The following TPTE2 variants were observed in gnomAD, a reference collection of about 807,000 sequenced individuals.
TPTE2 encodes the protein phosphatidylinositol 3,4,5-trisphosphate 3-phosphatase TPTE2.
Under a neutral mutation model 78.6 loss-of-function variants are expected in TPTE2, and 53 were observed. The ratio of observed to expected loss-of-function variants is 0.67; its 90% CI spans 0.54 to 0.85. The LOEUF (loss-of-function observed/expected upper bound fraction) is 0.85. TPTE2 is among the 40% of genes least tolerant of loss of function. The pLI, the probability that TPTE2 is intolerant of heterozygous loss-of-function variation, is 0.00. For synonymous variants in TPTE2, 175 were observed against 206.2 expected (o/e 0.85, Z 1.30); for missense variants, 461 against 623.0 (o/e 0.74, Z 2.77).
At chr13:19,444,883 G>T (rs1189537905) in intron 13 of TPTE2, among the ~76,000 whole-genome samples, 3 of 152,172 alleles carry the variant, frequency 2.0e-5, no homozygotes, top group South Asian at 2.1e-4. Context: ...GCAAAGAAAT[G>T]AAAATCTTCT....
Position 19,530,583 on chromosome 13 carries a change from T to C in TPTE2, c.-44+6013A>G, listed in dbSNP as rs1349013786. On this transcript the variant is annotated intron_variant, in intron 1 of 17. Transcript: ENST00000390680. ...TTTTTGAGGCAGGGTCTCACTCTGT[T>C]GTCCAGGTTGGAGTGCAGTGGCATG... Among the ~76,000 whole-genome samples the C allele has an allele frequency of 1.3e-4, 20 of 152,174 alleles. 1 individual carries two copies. Among genetic ancestry groups the C allele is most frequent in the Admixed American group, 1.2e-3 (19 of 15,272 alleles).
chr13:19,458,926 G>T (rs1300515838), intron 10 of TPTE2, among the ~76,000 whole-genome samples: 1 of 152,046 alleles, frequency 6.6e-6, no homozygotes, highest in African/African-American at 2.4e-5. Flanking sequence ...ATTCCTTTGG[G>T]TATATACCCC....
chr13:19,536,373 G>T (rs1871212536), intron 1 of TPTE2, among the ~76,000 whole-genome samples: 1 of 152,004 alleles, frequency 6.6e-6, no homozygotes, highest in Admixed American at 6.6e-5. Context: ...TAACATGAAA[G>T]CATGAGGAAA....
intron 1 of TPTE2, among the ~76,000 whole-genome samples, chr13:19,517,920 C>G (rs1869906126): frequency 6.6e-6 from 1 of 152,182 alleles, no homozygotes. Flanking sequence ...CAGAGATTAT[C>G]TCTCCAGTTA....
At chr13:19,481,601 T>C (rs1469669272) in intron 4 of TPTE2, among the ~76,000 whole-genome samples, 1 of 152,194 alleles carries the variant, frequency 6.6e-6, no homozygotes, top group East Asian at 1.9e-4. Flanking sequence ...CTTTATTTTG[T>C]TTGGAGTGGG....
Position 19,486,084 on chromosome 13 carries a change from C to T in TPTE2, c.120-3537G>A, listed in dbSNP as rs1333159790. 1.2e-4 allele frequency among the ~76,000 whole-genome samples: 19 copies of T among 152,128 alleles called. No individual in the cohort carries two copies. The highest frequency in any genetic ancestry group is 8.3e-4 in the South Asian group (4 of 4,812). Reference sequence around the variant, plus strand: ...GATGACATGTTTTCTTGCATTTTCACGGTTGCTGTGTTTCTAAATTGATTT... The same window carrying T: ...GATGACATGTTTTCTTGCATTTTCATGGTTGCTGTGTTTCTAAATTGATTT... On this transcript the variant is annotated intron_variant, in intron 3 of 19. Coordinates refer to ENST00000400230, the Ensembl canonical transcript of TPTE2. This position sits in a 1 kb window ranked among gnomAD's most constrained non-coding sequence, Gnocchi z 4.3.
chr13:19,534,228 G>A (rs1203797373), intron 1 of TPTE2, among the ~76,000 whole-genome samples: 1 of 152,130 alleles, frequency 6.6e-6, no homozygotes, highest in African/African-American at 2.4e-5. Flanking sequence ...TAATTTACGG[G>A]AACAACATCC....
chr13:19,509,258 A>G (rs1304023106), intron 1 of TPTE2, among the ~76,000 whole-genome samples: 1 of 152,194 alleles, frequency 6.6e-6, no homozygotes, highest in Non-Finnish European at 1.5e-5. Flanking sequence ...ATGGAGTAAT[A>G]AGGAAGCAAA....
chr13:19,463,409 T>C (rs1210496337), intron 10 of TPTE2, among the ~76,000 whole-genome samples: 1 of 152,264 alleles, frequency 6.6e-6, no homozygotes, highest in Non-Finnish European at 1.5e-5. Context: ...TTTCATTGAT[T>C]TGTCTATCTG....
At chr13:19,546,671 G>T in the TPTE2 span, among the ~76,000 whole-genome samples, 1 of 151,606 alleles carries the variant, frequency 6.6e-6, no homozygotes, top group African/African-American at 2.4e-5. Flanking sequence ...TGTATTTTTA[G>T]TAGAGATGGG....
Position 19,496,941 on chromosome 13 carries a change from C to CGCA in TPTE2, c.12-3443_12-3441dup, listed in dbSNP as rs538094093. On this transcript the variant is annotated intron_variant, in intron 1 of 19. Coordinates refer to ENST00000400230, the Ensembl canonical transcript of TPTE2. ...CAGTGGGCGCAGGTCAGTGGGTGCG[C>CGCA]GCACCGTGCGCGAGCCGAAGCAGGG... 2.0e-4 allele frequency among the ~76,000 whole-genome samples: 30 copies of CGCA among 152,174 alleles called. 1 individual carries two copies. Among genetic ancestry groups the CGCA allele is most frequent in the Admixed American group, 3.3e-4 (5 of 15,292 alleles).
chr13:19,524,409 T>C (rs923959427), intron 1 of TPTE2, among the ~76,000 whole-genome samples: 6 of 152,162 alleles, frequency 3.9e-5, no homozygotes, highest in African/African-American at 1.4e-4. Flanking sequence ...TGGTTCCTGA[T>C]TGGTAGTACT....
chr13:19,470,198 C>T (rs2492390), intron 6 of TPTE2, among the ~76,000 whole-genome samples: 151,705 of 152,314 alleles, frequency 1, 75,552 homozygotes, highest in Middle Eastern at 1. Context: ...TTTAGGTGTG[C>T]TACTTCTATA....
At chr13:19,555,200 G>T in the TPTE2 span, among the ~76,000 whole-genome samples, 29 of 151,894 alleles carry the variant, frequency 1.9e-4, no homozygotes, top group Non-Finnish European at 3.7e-4. Context: ...GGTTAGTGTG[G>T]CAGAATCTGA....
At chr13:19,482,857 T>A (rs1880443384) in intron 3 of TPTE2, among the ~76,000 whole-genome samples, 1 of 151,090 alleles carries the variant, frequency 6.6e-6, no homozygotes. Flanking sequence ...AATATATAAA[T>A]AATATAGGTA....
At chr13:19,558,661 C>G in the TPTE2 span, among the ~76,000 whole-genome samples, 1 of 152,170 alleles carries the variant, frequency 6.6e-6, no homozygotes, top group Non-Finnish European at 1.5e-5. Flanking sequence ...TTCTGAAAAA[C>G]AGGGTTAACA....
the TPTE2 span, among the ~76,000 whole-genome samples, chr13:19,556,931 G>A: frequency 6.6e-6 from 1 of 152,160 alleles, no homozygotes; most frequent in African/African-American, 2.4e-5. Flanking sequence ...TCAAGCAAGA[G>A]GACACTCTTA....
At chr13:19,512,701 C>T (rs1330139771) in intron 1 of TPTE2, among the ~76,000 whole-genome samples, 1 of 152,070 alleles carries the variant, frequency 6.6e-6, no homozygotes, top group African/African-American at 2.4e-5. Context: ...GCCTCAGCCT[C>T]CCGAGTAGCT....
intron 1 of TPTE2, among the ~76,000 whole-genome samples, chr13:19,532,051 A>T (rs1281230729): frequency 6.6e-6 from 1 of 152,202 alleles, no homozygotes; most frequent in African/African-American, 2.4e-5. Context: ...TGCTACTTTT[A>T]TTATGAACAA....
Sources: gnomAD v4.1 joint callset for allele counts (sites outside exome capture counted in the v4.1 genomes callset) on GRCh38, gnomAD v4.1.1 for gene constraint, Gnocchi (gnomAD v3.1) non-coding constraint, MANE v1.5 for transcripts, NCBI Gene and HGNC (gene_info 2026-07-23, HGNC 2026-07-21) for gene names.